MREG: variants seen among roughly 807,000 people sequenced by gnomAD.
MREG encodes the protein dilute suppressor protein homolog.
A neutral mutation model predicts 28.5 loss-of-function variants in MREG; 31 were observed. The observed-to-expected ratio is 1.09, with a 90% CI of 0.82 to 1.47. MREG has a LOEUF of 1.47. Ranked by LOEUF, MREG falls within the 40% of genes most tolerant of loss-of-function variation. The pLI, the probability that MREG is intolerant of heterozygous loss-of-function variation, is 0.00. For missense variants in MREG, 256 were observed against 257.4 expected (o/e 0.99, Z 0.04); for synonymous variants, 106 against 95.2 (o/e 1.11, Z -0.66).
chr2:215,960,611 G>C (rs894682769), intron 2 of MREG, among the ~76,000 whole-genome samples: 2 of 151,862 alleles, frequency 1.3e-5, no homozygotes, highest in African/African-American at 4.8e-5. Context: ...TGAGGCGGGC[G>C]GATCACAAGG....
rs753750604 is a variant in MREG, at chr2:215,944,965, C to T, written c.543G>A (p.Glu181=). The T allele has an allele frequency of 6.2e-7, 1 of 1,604,862 alleles. No homozygotes were observed. The highest frequency in any genetic ancestry group is 1.1e-5 in the South Asian group (1 of 90,364). ...AAGTTCGACGAGCAAGCTTAAAGAACTCTTCTGCAGCATCAAGTGCAATGA... is the reference window on the plus strand; with the variant it reads ...AAGTTCGACGAGCAAGCTTAAAGAATTCTTCTGCAGCATCAAGTGCAATGA... ...DRLIALDAAE[E]FFKLARRTYP... is the part of the protein sequence containing the mutation. Residue 181 remains glutamate, a synonymous_variant, in exon 5 of 5, where the codon GAG becomes GAA. Coordinates refer to ENST00000263268, the MANE Select transcript of MREG (RefSeq NM_018000.3).
chr2:215,986,016 C>T (rs1053071631), intron 2 of MREG, among the ~76,000 whole-genome samples: 11 of 152,034 alleles, frequency 7.2e-5, no homozygotes, highest in African/African-American at 2.2e-4. Flanking sequence ...AAACAATCCC[C>T]GTCTAGCTTC....
chr2:215,988,460 G>A (rs1310781061), intron 2 of MREG, among the ~76,000 whole-genome samples: 2 of 152,176 alleles, frequency 1.3e-5, no homozygotes, highest in South Asian at 2.1e-4. Flanking sequence ...AGCATAAAAC[G>A]AAGTGGCCGG....
chr2:216,025,405 T>G (rs2105931743), intron 1 of MREG, among the ~76,000 whole-genome samples: 2 of 152,320 alleles, frequency 1.3e-5, no homozygotes, highest in East Asian at 3.9e-4. Context: ...TACTGCCAAT[T>G]AGCTTCCCAG....
chr2:215,988,719 G>A (rs375706550), intron 2 of MREG, among the ~76,000 whole-genome samples: 5 of 152,294 alleles, frequency 3.3e-5, no homozygotes, highest in African/African-American at 1.2e-4. Flanking sequence ...AGGGGCATCC[G>A]CCATTCCTGA....
chr2:215,956,729 G>A (rs919592056), intron 2 of MREG, among the ~76,000 whole-genome samples: 3 of 152,058 alleles, frequency 2.0e-5, no homozygotes, highest in Non-Finnish European at 4.4e-5. Flanking sequence ...TTGTAGAGAT[G>A]AGGTCTCACT....
chr2:215,994,346 A>C (rs1693802044), intron 2 of MREG, among the ~76,000 whole-genome samples: 1 of 151,584 alleles, frequency 6.6e-6, no homozygotes, highest in Admixed American at 6.6e-5. Context: ...CTCACTCATA[A>C]GTGGGAGCTG....
At chr2:215,988,397 T>C (rs1005874512) in intron 2 of MREG, among the ~76,000 whole-genome samples, 4 of 152,214 alleles carry the variant, frequency 2.6e-5, no homozygotes, top group African/African-American at 9.6e-5. Flanking sequence ...CTATGCAAGC[T>C]GCAGACCAGG....
At chr2:215,959,790 C>A (rs549301300) in intron 2 of MREG, among the ~76,000 whole-genome samples, 13 of 152,176 alleles carry the variant, frequency 8.5e-5, no homozygotes, top group Non-Finnish European at 1.6e-4. Flanking sequence ...TCATTCATGG[C>A]CTCCTTCCTC....
chr2:216,011,350 A>C (rs965622965), intron 1 of MREG, among the ~76,000 whole-genome samples: 1 of 152,214 alleles, frequency 6.6e-6, no homozygotes. Context: ...ACCAAACCAC[A>C]TGAGACCAGT....
intron 1 of MREG, among the ~76,000 whole-genome samples, chr2:216,005,444 C>CTTTTTT (rs58288878): frequency 2.3e-4 from 20 of 86,326 alleles, no homozygotes; most frequent in Admixed American, 3.6e-4. Flanking sequence ...TCTAGTTATT[C>CTTTTTT]TTTTTTTTTT....
At chr2:216,026,378 T>C (rs2105932131) in intron 1 of MREG, among the ~76,000 whole-genome samples, 1 of 151,502 alleles carries the variant, frequency 6.6e-6, no homozygotes, top group Admixed American at 6.6e-5. Context: ...TATTTATTTA[T>C]TTTTGGAGAC....
intron 1 of MREG, among the ~76,000 whole-genome samples, chr2:216,022,718 C>T (rs566358289): frequency 1.2e-3 from 185 of 152,340 alleles, no homozygotes; most frequent in African/African-American, 4.3e-3. Context: ...TCTCCAAAGT[C>T]TCTCCATATT....
chr2:216,002,649 GCCTGCTACCC>G (rs1351117767), intron 1 of MREG, among the ~76,000 whole-genome samples: 1 of 152,146 alleles, frequency 6.6e-6, no homozygotes, highest in African/African-American at 2.4e-5. Context: ...GAAGTCGCTG[GCCTGCTACCC>G]CCCTGGCTTC....
intron 1 of MREG, among the ~76,000 whole-genome samples, chr2:216,005,444 C>CTTTTTTTTTTTTTTTTT (rs58288878): frequency 7.0e-5 from 6 of 86,306 alleles, no homozygotes; most frequent in Non-Finnish European, 1.2e-4. Context: ...TCTAGTTATT[C>CTTTTTTTTTTTTTTTTT]TTTTTTTTTT....
At position 215,944,560 on chromosome 2, in the gene MREG, C is replaced by T. The variant is rs1044412226; in HGVS notation, c.*303G>A. ...TAGGATTAATGATCAGAGATTATGA[C>T]ACAACTAAAACCAAAGCTGGGGCAA... On this transcript the variant is annotated 3_prime_UTR_variant, in exon 5 of 5. Transcript: ENST00000263268. The T allele has an allele frequency of 1.4e-5, 3 of 219,142 alleles. No individual in the cohort carries two copies. Among genetic ancestry groups the T allele is most frequent in the African/African-American group, 2.3e-5 (1 of 44,352 alleles). The allele number at this position is 219,142 out of a possible 1,614,324, so 13.6% of individuals were successfully genotyped here.
chr2:215,974,429 C>T (rs1693185600), intron 2 of MREG, among the ~76,000 whole-genome samples: 1 of 152,076 alleles, frequency 6.6e-6, no homozygotes, highest in South Asian at 2.1e-4. Context: ...ATGGAGGGCT[C>T]CTCAGAACCC....
chr2:215,982,350 A>G (rs1199039516), intron 2 of MREG, among the ~76,000 whole-genome samples: 1 of 148,220 alleles, frequency 6.7e-6, no homozygotes, highest in African/African-American at 2.5e-5. Context: ...AAAAAAAAAG[A>G]AAAGAAAAAA....
intron 2 of MREG, among the ~76,000 whole-genome samples, chr2:215,974,095 A>G (rs749502359): frequency 1.4e-4 from 22 of 152,206 alleles, no homozygotes; most frequent in Non-Finnish European, 2.8e-4. Context: ...GTAATTCGAC[A>G]TAGCAATTAT....
Sources: gnomAD v4.1 joint callset for allele counts (sites outside exome capture counted in the v4.1 genomes callset) on GRCh38, gnomAD v4.1.1 for gene constraint, MANE v1.5 for transcripts, NCBI Gene and HGNC (gene_info 2026-07-23, HGNC 2026-07-21) for gene names.